The following GALNT17 variants were observed in gnomAD, a reference collection of about 807,000 sequenced individuals.
The protein encoded by GALNT17 is polypeptide N-acetylgalactosaminyltransferase 17, also known as UDP-GalNAc:polypeptide N-acetylgalactosaminyltransferase-like 3.
A neutral mutation model predicts 63.7 loss-of-function variants in GALNT17; 29 were observed. That is an observed-to-expected ratio of 0.46 (90% confidence interval 0.34 to 0.62). The LOEUF is 0.62. Ranked by LOEUF, GALNT17 falls within the 20% of genes least tolerant of loss-of-function variation. The probability of loss-of-function intolerance (pLI) is 0.01; values close to 1 mark genes in which losing one functional copy is unlikely to be tolerated. For missense variants in GALNT17, 603 were observed against 799.6 expected (o/e 0.75, Z 2.97); for synonymous variants, 305 against 318.3 (o/e 0.96, Z 0.45).
At chr7:71,534,427 G>C (rs1040249816) in intron 5 of GALNT17, among the ~76,000 whole-genome samples, 1 of 151,776 alleles carries the variant, frequency 6.6e-6, no homozygotes, top group Non-Finnish European at 1.5e-5. Context: ...GTGAAACCCC[G>C]TCTCTACTAA....
At chr7:71,703,010 A>G (rs1449466185) in intron 9 of GALNT17, among the ~76,000 whole-genome samples, 1 of 151,932 alleles carries the variant, frequency 6.6e-6, no homozygotes, top group Non-Finnish European at 1.5e-5. Context: ...CTGGATATAC[A>G]AAGTTGGAAT....
intron 1 of GALNT17, among the ~76,000 whole-genome samples, chr7:71,278,365 C>G (rs897780505): frequency 2.6e-5 from 4 of 152,168 alleles, no homozygotes; most frequent in Non-Finnish European, 5.9e-5. Flanking sequence ...GTTGGCAGAC[C>G]ACGCTCCTTC....
intron 9 of GALNT17, among the ~76,000 whole-genome samples, chr7:71,702,175 G>C (rs1428881172): frequency 6.6e-6 from 1 of 151,810 alleles, no homozygotes; most frequent in Non-Finnish European, 1.5e-5. Flanking sequence ...TGCCTACTGG[G>C]TACTATGTTT....
At chr7:71,301,736 G>T (rs1791202694) in intron 1 of GALNT17, among the ~76,000 whole-genome samples, 1 of 121,340 alleles carries the variant, frequency 8.2e-6, no homozygotes, top group Admixed American at 8.6e-5. Context: ...TTGTGTGAAA[G>T]GTTCTTACCA....
At chr7:71,550,895 A>G (rs1267119165) in intron 5 of GALNT17, among the ~76,000 whole-genome samples, 2 of 151,594 alleles carry the variant, frequency 1.3e-5, no homozygotes, top group African/African-American at 4.8e-5. Context: ...TTTTTACAAG[A>G]TTTTGCCTTT....
At chr7:71,708,678 C>T (rs751369016) in intron 9 of GALNT17, among the ~76,000 whole-genome samples, 20 of 152,098 alleles carry the variant, frequency 1.3e-4, no homozygotes, top group African/African-American at 4.8e-4. Context: ...GCATAATACC[C>T]AATAGGTAGT....
At chr7:71,484,316 C>T (rs189223467) in intron 5 of GALNT17, among the ~76,000 whole-genome samples, 7 of 152,110 alleles carry the variant, frequency 4.6e-5, no homozygotes, top group Admixed American at 1.3e-4. Flanking sequence ...GGCGAAACCT[C>T]GTCTCTACTA....
chr7:71,239,310 A>T (rs915621910), intron 1 of GALNT17, among the ~76,000 whole-genome samples: 1 of 150,036 alleles, frequency 6.7e-6, no homozygotes, highest in Non-Finnish European at 1.5e-5. Context: ...CCCCCAAAAA[A>T]AAATAAATAA....
chr7:71,625,429 AGCC>A (rs1790357931), intron 6 of GALNT17, among the ~76,000 whole-genome samples: 2 of 152,098 alleles, frequency 1.3e-5, no homozygotes, highest in Non-Finnish European at 2.9e-5. Flanking sequence ...TATAGGCGTG[AGCC>A]ACCGAGCCCA....
intron 5 of GALNT17, among the ~76,000 whole-genome samples, chr7:71,477,629 C>T (rs1236593989): frequency 1.3e-5 from 2 of 152,066 alleles, no homozygotes; most frequent in East Asian, 3.9e-4. Context: ...TTCGAGGCTG[C>T]AGTGAGCTAT....
At chr7:71,598,236 C>T (rs1482267832) in intron 6 of GALNT17, among the ~76,000 whole-genome samples, 1 of 152,150 alleles carries the variant, frequency 6.6e-6, no homozygotes, top group Admixed American at 6.5e-5. Flanking sequence ...GCCACCGTGC[C>T]CGGCCGGTAG....
chr7:71,445,820 A>G (rs1345025557), intron 5 of GALNT17, among the ~76,000 whole-genome samples: 1 of 151,870 alleles, frequency 6.6e-6, no homozygotes, highest in African/African-American at 2.4e-5. Context: ...GTGCTCCTTA[A>G]TGCCTCTGCA....
At chr7:71,323,476 T>C (rs774447301) in intron 1 of GALNT17, among the ~76,000 whole-genome samples, 4 of 152,206 alleles carry the variant, frequency 2.6e-5, no homozygotes, top group Non-Finnish European at 5.9e-5. Flanking sequence ...AAGCAGCAGC[T>C]GATACAATTG....
At chr7:71,335,436 A>G in intron 1 of GALNT17, 114 bp from the exon 2 acceptor site, 1 of 1,111,318 alleles carries the variant, frequency 9.0e-7, no homozygotes, top group Non-Finnish European at 1.2e-6. Flanking sequence ...TGAGGACATC[A>G]TTTTTTCTGT....
At chr7:71,482,257 C>G (rs1454081634) in intron 5 of GALNT17, among the ~76,000 whole-genome samples, 1 of 151,700 alleles carries the variant, frequency 6.6e-6, no homozygotes. Context: ...TCAAGTGATT[C>G]TCCTGCCTCA....
chr7:71,486,805 G>A (rs1370597878), intron 5 of GALNT17, among the ~76,000 whole-genome samples: 1 of 151,602 alleles, frequency 6.6e-6, no homozygotes, highest in Non-Finnish European at 1.5e-5. Flanking sequence ...CGAGGCTGCA[G>A]TGAGCTGTAA....
At chr7:71,219,084 C>T (rs7789249) in intron 1 of GALNT17, among the ~76,000 whole-genome samples, 10,213 of 152,178 alleles carry the variant, frequency 0.067, 653 homozygotes, top group African/African-American at 0.17. Flanking sequence ...CCAGGTACTA[C>T]GTGACAGTCA....
At chr7:71,550,868 T>G (rs1427288997) in intron 5 of GALNT17, among the ~76,000 whole-genome samples, 1 of 152,200 alleles carries the variant, frequency 6.6e-6, no homozygotes, top group East Asian at 1.9e-4. Context: ...CTGATTTTTT[T>G]TATTTCCTCT....
At chr7:71,648,310 G>A (rs1366910997) in intron 6 of GALNT17, among the ~76,000 whole-genome samples, 2 of 148,044 alleles carry the variant, frequency 1.4e-5, no homozygotes, top group Non-Finnish European at 3.0e-5. Flanking sequence ...TCACTCTGTT[G>A]CCCAGGCTGG....
Sources: allele counts gnomAD v4.1 joint callset (sites outside exome capture counted in the v4.1 genomes callset), GRCh38; gene constraint gnomAD v4.1.1; transcripts MANE v1.5; gene names NCBI Gene and HGNC (gene_info 2026-07-23, HGNC 2026-07-21).